The following RPRD1A variants were observed in gnomAD, a reference collection of about 807,000 sequenced individuals.
RPRD1A encodes regulation of nuclear pre-mRNA domain-containing protein 1A.
RPRD1A carries 9 observed loss-of-function variants against 37.8 expected under a neutral mutation model. That is an observed-to-expected ratio of 0.24 (90% CI 0.14 to 0.42). The LOEUF is 0.42. Among genes scored for constraint, RPRD1A ranks in the 10% least tolerant of loss-of-function variants. The probability of loss-of-function intolerance (pLI) is 1.00; values close to 1 mark genes in which losing one functional copy is unlikely to be tolerated. For synonymous variants in RPRD1A, 138 were observed against 139.7 expected (o/e 0.99, Z 0.08); for missense variants, 255 against 371.0 (o/e 0.69, Z 2.57).
At position 35,993,021 on chromosome 18, in the gene RPRD1A, A is replaced by T. The variant is rs1908802679; in HGVS notation, c.*130T>A. On this transcript the variant is annotated 3_prime_UTR_variant, in exon 7 of 7. Transcript: ENST00000399022. ...ACAAACCAACATTTTAAACAATTTT[A>T]TAAATTACTCGTTGTTCCTTTTGTT... 1.4e-6 allele frequency: 1 copy of T among 721,902 alleles called. No individual in the cohort carries two copies. Among genetic ancestry groups the T allele is most frequent in the Non-Finnish European group, 2.0e-6 (1 of 494,214 alleles). 44.7% of individuals were successfully genotyped at this position (721,902 alleles called of 1,614,324 possible).
chr18:36,029,372 CCCTTGTGAGTTCCTGTGA>C (rs1181025920), intron 4 of RPRD1A, among the ~76,000 whole-genome samples: 1 of 152,130 alleles, frequency 6.6e-6, no homozygotes, highest in African/African-American at 2.4e-5. Flanking sequence ...GTTCCTGTTG[CCCTTGTGAGTTCCTGTGA>C]CCTTAAAGGA....
Position 36,027,435 on chromosome 18 carries a change from T to G in RPRD1A, c.487-125A>C, listed in dbSNP as rs556272652. ...TACAAAGCTCCTAATATAAACTGCT[T>G]TTGAAGACAATCAATTTCTTTCATA... On this transcript the variant is annotated intron_variant, in intron 4 of 6. Coordinates refer to ENST00000399022, the MANE Select transcript of RPRD1A (RefSeq NM_018170.5). 19 of 958,818 alleles carry G rather than the reference T, an allele frequency of 2.0e-5. No homozygotes were observed. The African/African-American group carries it at 2.6e-4, about 13-fold the overall frequency. 59.4% of individuals were successfully genotyped at this position (958,818 alleles called of 1,614,324 possible).
chr18:36,001,159 G>C (rs1909392110), intron 6 of RPRD1A, among the ~76,000 whole-genome samples: 1 of 152,126 alleles, frequency 6.6e-6, no homozygotes, highest in African/African-American at 2.4e-5. Flanking sequence ...ACATACTAGG[G>C]AAAAGGCAGA....
intron 6 of RPRD1A, among the ~76,000 whole-genome samples, chr18:36,024,401 C>G (rs28379448): frequency 6.6e-6 from 1 of 151,046 alleles, no homozygotes; most frequent in Non-Finnish European, 1.5e-5. Flanking sequence ...AGTGATTCAC[C>G]CAGCTCAGCT....
chr18:36,048,221 C>T (rs1371015842), intron 1 of RPRD1A, among the ~76,000 whole-genome samples: 2 of 152,054 alleles, frequency 1.3e-5, no homozygotes, highest in Non-Finnish European at 2.9e-5. Flanking sequence ...CATGCGCCAC[C>T]ACACCTGGCT....
chr18:36,035,959 A>G (rs1321385911), intron 1 of RPRD1A, among the ~76,000 whole-genome samples: 1 of 152,214 alleles, frequency 6.6e-6, no homozygotes, highest in Non-Finnish European at 1.5e-5. Flanking sequence ...GAAATTATTC[A>G]TGGGTACAGA....
intron 6 of RPRD1A, among the ~76,000 whole-genome samples, chr18:36,019,277 T>G (rs983033229): frequency 2.0e-5 from 3 of 151,802 alleles, no homozygotes; most frequent in African/African-American, 7.3e-5. Flanking sequence ...CTGGCTAATT[T>G]TTTATATTTT....
At chr18:36,016,994 A>G (rs1475942997) in intron 6 of RPRD1A, among the ~76,000 whole-genome samples, 2 of 151,088 alleles carry the variant, frequency 1.3e-5, no homozygotes, top group African/African-American at 4.9e-5. Flanking sequence ...TATGATAAGC[A>G]TGTACTACTT....
rs201194752 is a variant in RPRD1A at position 36,008,575 on chromosome 18, G to GTATATATATATATATATATATATA, written c.790-15276_790-15275insTATATATATATATATATATATATA. ...TGGGCGACACAGCAAGACCTTGTGTGTGTATATATATATATCTTTAAAAAT... is the reference window on the plus strand; with the variant it reads ...TGGGCGACACAGCAAGACCTTGTGTGTATATATATATATATATATATATATGTATATATATATATCTTTAAAAAT... On this transcript the variant is annotated intron_variant, in intron 6 of 6. Transcript: ENST00000399022. 2.5e-3 allele frequency among the ~76,000 whole-genome samples: 104 copies of GTATATATATATATATATATATATA among 42,350 alleles called. 3 individuals are homozygous for GTATATATATATATATATATATATA. Among genetic ancestry groups the GTATATATATATATATATATATATA allele is most frequent in the African/African-American group, 4.4e-3 (51 of 11,580 alleles). 27.8% of individuals were successfully genotyped at this position (42,350 alleles called of 152,430 possible).
rs189408419 is a variant in RPRD1A at position 36,032,681 on chromosome 18, G to A, written c.281+1027C>T. On this transcript the variant is annotated intron_variant, in intron 2 of 6. Transcript: ENST00000399022. ...AAAGAACCGAGTCAATGTGTACTATGTGAGATATGGGGACTGAAGGAGAAA... is the reference window on the plus strand; with the variant it reads ...AAAGAACCGAGTCAATGTGTACTATATGAGATATGGGGACTGAAGGAGAAA... Among the ~76,000 whole-genome samples the A allele has an allele frequency of 2.7e-4, 41 of 152,356 alleles. 1 individual carries two copies. In the East Asian group the frequency reaches 5.6e-3, roughly 21 times the overall value.
chr18:36,030,512 C>G (rs1234225891), intron 4 of RPRD1A, among the ~76,000 whole-genome samples: 1 of 151,924 alleles, frequency 6.6e-6, no homozygotes, highest in East Asian at 1.9e-4. Flanking sequence ...ACAAAATAGG[C>G]ATGTTTTGTT....
rs1178363064 is a variant in RPRD1A at position 35,992,632 on chromosome 18, G to C, written c.*519C>G. On this transcript the variant is annotated 3_prime_UTR_variant, in exon 7 of 7. Transcript: ENST00000399022. The stretch of plus-strand genomic sequence containing the variant: ...AATTACCGACCTCTAAGGAATCAAA[G>C]GCATGTAGAGACACAGAATTGATAT... The C allele has an allele frequency of 1.3e-5, 2 of 152,302 alleles. No individual in the cohort carries two copies. The highest frequency in any genetic ancestry group is 4.8e-5 in the African/African-American group (2 of 41,406). 9.4% of individuals were successfully genotyped at this position (152,302 alleles called of 1,614,324 possible).
intron 1 of RPRD1A, among the ~76,000 whole-genome samples, chr18:36,037,199 G>T (rs534214387): frequency 3.3e-5 from 5 of 152,168 alleles, no homozygotes; most frequent in Non-Finnish European, 7.4e-5. Context: ...TTGTGATACA[G>T]TTTGGCTGTG....
intron 6 of RPRD1A, among the ~76,000 whole-genome samples, chr18:36,018,899 G>A (rs1009855266): frequency 6.6e-5 from 10 of 152,128 alleles, no homozygotes; most frequent in African/African-American, 2.4e-4. Context: ...ATAAACCTGA[G>A]TGGAAAAGGA....
At chr18:36,044,903 A>G (rs1404145734) in intron 1 of RPRD1A, among the ~76,000 whole-genome samples, 2 of 152,086 alleles carry the variant, frequency 1.3e-5, no homozygotes, top group Admixed American at 6.6e-5. Flanking sequence ...CAATAGTCTG[A>G]AATACAAACA....
intron 6 of RPRD1A, among the ~76,000 whole-genome samples, chr18:36,014,828 A>G (rs1477384517): frequency 6.6e-6 from 1 of 152,174 alleles, no homozygotes; most frequent in African/African-American, 2.4e-5. Context: ...AATGGCCATA[A>G]GCATATGAAA....
intron 1 of RPRD1A, among the ~76,000 whole-genome samples, chr18:36,045,665 A>G (rs949910085): frequency 6.6e-6 from 1 of 152,228 alleles, no homozygotes; most frequent in African/African-American, 2.4e-5. Context: ...GACATTCGCA[A>G]CTTTGCAACC....
intron 6 of RPRD1A, among the ~76,000 whole-genome samples, chr18:36,015,173 T>TATACACACAC (rs1555671495): frequency 2.7e-4 from 36 of 130,950 alleles, no homozygotes; most frequent in African/African-American, 1.1e-3. Flanking sequence ...TACACATATA[T>TATACACACAC]ACACACACAC....
chr18:36,055,965 C>G (rs181970261), intron 1 of RPRD1A, among the ~76,000 whole-genome samples: 8 of 152,274 alleles, frequency 5.3e-5, no homozygotes, highest in Admixed American at 2.0e-4. Context: ...GTGTGATACA[C>G]TAATGCCTAG....
Sources: gnomAD v4.1 joint callset for allele counts (sites outside exome capture counted in the v4.1 genomes callset) on GRCh38, gnomAD v4.1.1 for gene constraint, MANE v1.5 for transcripts, NCBI Gene and HGNC (gene_info 2026-07-23, HGNC 2026-07-21) for gene names.